EPC1: variants seen among roughly 807,000 people sequenced by gnomAD.
The protein encoded by EPC1 is enhancer of polycomb 1.
A neutral mutation model predicts 98.4 loss-of-function variants in EPC1; 12 were observed. The observed-to-expected ratio is 0.12, with a 90% confidence interval of 0.08 to 0.20. The LOEUF (loss-of-function observed/expected upper bound fraction) is 0.20, where lower values mean the gene tolerates loss of function less well. Among genes scored for constraint, EPC1 ranks in the 10% least tolerant of loss-of-function variants. EPC1 has a pLI of 1.00. For missense variants in EPC1, 729 were observed against 990.5 expected, an observed-to-expected ratio of 0.74 and a Z score of 3.54; for synonymous variants, 357 against 363.9, an observed-to-expected ratio of 0.98 and a Z score of 0.21.
At chr10:32,316,206 G>A (rs1043920220) in intron 1 of EPC1, among the ~76,000 whole-genome samples, 1 of 152,162 alleles carries the variant, frequency 6.6e-6, no homozygotes, top group Non-Finnish European at 1.5e-5. Flanking sequence ...AACATCACAT[G>A]ATGGGGAGGA....
chr10:32,355,325 T>C (rs886827777), intron 1 of EPC1, among the ~76,000 whole-genome samples: 1 of 152,198 alleles, frequency 6.6e-6, no homozygotes, highest in East Asian at 1.9e-4. Context: ...AATTTACTCC[T>C]TAGCAGAGGA....
chr10:32,286,556 A>C (rs1251452666), intron 9 of EPC1, 138 bp downstream of exon 9: 1 of 1,038,154 alleles, frequency 9.6e-7, no homozygotes, highest in Non-Finnish European at 1.4e-6. Context: ...CAACAAAAAT[A>C]TTTTAGTCAA....
At chr10:32,280,531 G>A (rs1836356175) in intron 10 of EPC1, among the ~76,000 whole-genome samples, 1 of 151,958 alleles carries the variant, frequency 6.6e-6, no homozygotes, top group Non-Finnish European at 1.5e-5. Flanking sequence ...ACAGGGTCAG[G>A]AGTTCAAGAC....
chr10:32,345,460 TTACAG>T, intron 1 of EPC1: 1 of 985,402 alleles, frequency 1.0e-6, no homozygotes, highest in African/African-American at 1.7e-5. Context: ...AAGAGAAGTA[TTACAG>T]TACAATTTTC....
chr10:32,369,744 T>C (rs2133119929), intron 1 of EPC1, among the ~76,000 whole-genome samples: 2 of 152,356 alleles, frequency 1.3e-5, no homozygotes, highest in South Asian at 4.1e-4. Flanking sequence ...GCAGAATTCT[T>C]ACTAAGTTTA....
upstream of EPC1, among the ~76,000 whole-genome samples, chr10:32,352,083 C>G (rs1402299394): frequency 9.0e-6 from 1 of 111,296 alleles, no homozygotes; most frequent in Non-Finnish European, 1.9e-5. Context: ...CTCGCTCTGT[C>G]GCCCAGGCTG....
Position 32,358,655 on chromosome 10 carries a change from CG to C in EPC1, c.3+19835del, listed in dbSNP as rs570588612. Among the ~76,000 whole-genome samples, 26 of 96,400 alleles carry C rather than the reference CG, an allele frequency of 2.7e-4. No individual in the cohort carries two copies. In the South Asian group the frequency reaches 6.4e-3, roughly 24 times the overall value. 63.2% of individuals were successfully genotyped at this position (96,400 alleles called of 152,430 possible). A position where few individuals can be genotyped will look rare whatever the true frequency, so the allele number is the denominator to read the frequency against. ...GTAAAAAAAAAAAAAAAAGCGGGGG[CG>C]GGGGGGGAAGAAAGTGGGTTTAAAT... On this transcript the variant is annotated intron_variant, in intron 1 of 13. Coordinates refer to the EPC1 transcript ENST00000375110.
At chr10:32,353,405 GCTGT>G (rs982185415) in intron 1 of EPC1, among the ~76,000 whole-genome samples, 1 of 152,090 alleles carries the variant, frequency 6.6e-6, no homozygotes, top group African/African-American at 2.4e-5. Flanking sequence ...TAATTTTAGG[GCTGT>G]CTTTTTCTGA....
chr10:32,269,692 TAAAC>T (rs1425658118), intron 13 of EPC1, among the ~76,000 whole-genome samples: 2 of 152,238 alleles, frequency 1.3e-5, no homozygotes, highest in Non-Finnish European at 2.9e-5. Flanking sequence ...ATTCCATGGT[TAAAC>T]AATTCTAGAG....
intron 1 of EPC1, among the ~76,000 whole-genome samples, chr10:32,333,813 CG>C (rs1285412855): frequency 2.0e-5 from 3 of 152,108 alleles, no homozygotes; most frequent in African/African-American, 7.2e-5. Flanking sequence ...TAGTAACGGG[CG>C]TATCTCAAAT....
chr10:32,360,310 T>C (rs1373765756), intron 1 of EPC1, among the ~76,000 whole-genome samples: 1 of 152,224 alleles, frequency 6.6e-6, no homozygotes, highest in Non-Finnish European at 1.5e-5. Flanking sequence ...CTTTTCCTCA[T>C]TGCCAAGTGA....
At chr10:32,323,958 CAG>C (rs1412593386) in intron 1 of EPC1, among the ~76,000 whole-genome samples, 16 of 152,054 alleles carry the variant, frequency 1.1e-4, no homozygotes, top group African/African-American at 3.1e-4. Flanking sequence ...TTTTTTGAGA[CAG>C]AGTCTCGCTC....
intron 1 of EPC1, among the ~76,000 whole-genome samples, chr10:32,354,738 C>G (rs1839221588): frequency 6.6e-6 from 1 of 152,060 alleles, no homozygotes; most frequent in African/African-American, 2.4e-5. Context: ...GGCAGGCAAG[C>G]CAGCAAAGCT....
intron 1 of EPC1, chr10:32,378,397 A>T (rs1839913664): frequency 9.7e-7 from 1 of 1,030,350 alleles, no homozygotes; most frequent in Non-Finnish European, 1.4e-6. Flanking sequence ...GAAAAATACA[A>T]AGATTGGTTT....
At chr10:32,304,918 T>TAAAAAAA (rs11351207) in intron 2 of EPC1, among the ~76,000 whole-genome samples, 3 of 119,424 alleles carry the variant, frequency 2.5e-5, no homozygotes, top group Non-Finnish European at 3.5e-5. Context: ...AACTCCGTCT[T>TAAAAAAA]AAAAAAAAAA....
At chr10:32,289,890 C>T (rs1018365509) in intron 6 of EPC1, among the ~76,000 whole-genome samples, 20 of 151,984 alleles carry the variant, frequency 1.3e-4, no homozygotes, top group African/African-American at 4.8e-4. Context: ...TCCCAGAGAG[C>T]TAGGATTACA....
chr10:32,276,090 A>G (rs2132654210), intron 10 of EPC1, among the ~76,000 whole-genome samples: 1 of 152,330 alleles, frequency 6.6e-6, no homozygotes, highest in East Asian at 1.9e-4. Flanking sequence ...CTTAAGCTGT[A>G]AGTGGTGGTA....
chr10:32,363,175 G>A (rs2133106082), intron 1 of EPC1, among the ~76,000 whole-genome samples: 1 of 152,318 alleles, frequency 6.6e-6, no homozygotes, highest in East Asian at 1.9e-4. Context: ...TGAGGCTCAG[G>A]CAATCATCCC....
chr10:32,346,091 GTCTTA>G (rs1205810543), intron 1 of EPC1, among the ~76,000 whole-genome samples: 1 of 152,212 alleles, frequency 6.6e-6, no homozygotes, highest in Non-Finnish European at 1.5e-5. Flanking sequence ...CTGAAAGTAA[GTCTTA>G]TCTTCTAGAA....
Sources: allele counts gnomAD v4.1 joint callset (sites outside exome capture counted in the v4.1 genomes callset), GRCh38; gene constraint gnomAD v4.1.1; transcripts MANE v1.5; gene names NCBI Gene and HGNC (gene_info 2026-07-23, HGNC 2026-07-21).